MOXD1: variants seen among roughly 807,000 people sequenced by gnomAD.
MOXD1 encodes the protein monooxygenase DBH like 1.
MOXD1 carries 62 observed loss-of-function variants against 66.6 expected under a neutral mutation model. That is an observed-to-expected ratio of 0.93 (90% confidence interval 0.76 to 1.15). The LOEUF is 1.15. Among genes scored for constraint, MOXD1 ranks in the 50% most tolerant of loss-of-function variants. The pLI, the probability that MOXD1 is intolerant of heterozygous loss-of-function variation, is 0.00. For missense variants in MOXD1, 847 were observed against 754.6 expected (o/e 1.12, Z -1.44); for synonymous variants, 303 against 281.9 (o/e 1.07, Z -0.75).
At chr6:132,374,498 T>G in intron 2 of MOXD1, 133 bp downstream of exon 2, 1 of 965,512 alleles carries the variant, frequency 1.0e-6, no homozygotes, top group Non-Finnish European at 1.4e-6. Flanking sequence ...AAAAAAAAAC[T>G]AAAAAAAATC....
intron 10 of MOXD1, among the ~76,000 whole-genome samples, chr6:132,302,072 CCT>C (rs1774553346): frequency 6.6e-6 from 1 of 152,038 alleles, no homozygotes; most frequent in South Asian, 2.1e-4. Context: ...GTATAAGGAT[CCT>C]CTGAGTCAGT....
intron 4 of MOXD1, among the ~76,000 whole-genome samples, chr6:132,359,076 A>G (rs960383034): frequency 2.6e-5 from 4 of 152,124 alleles, no homozygotes; most frequent in South Asian, 2.1e-4. Flanking sequence ...CATTTCCACA[A>G]GAACTGAAAG....
chr6:132,306,696 G>A (rs1361621655), intron 10 of MOXD1, among the ~76,000 whole-genome samples: 2 of 152,144 alleles, frequency 1.3e-5, no homozygotes, highest in African/African-American at 4.8e-5. Flanking sequence ...GAAGAGATTG[G>A]GGGCCAATAT....
intron 1 of MOXD1, among the ~76,000 whole-genome samples, chr6:132,382,279 A>G (rs1029316741): frequency 5.9e-5 from 9 of 152,276 alleles, no homozygotes; most frequent in Non-Finnish European, 1.0e-4. Flanking sequence ...TAAGAATTTA[A>G]GGAAAAAAGT....
At chr6:132,316,580 G>T (rs1338450241) in intron 9 of MOXD1, among the ~76,000 whole-genome samples, 1 of 152,040 alleles carries the variant, frequency 6.6e-6, no homozygotes, top group Non-Finnish European at 1.5e-5. Context: ...AGAAATTCTA[G>T]AGCTGAGAGG....
intron 10 of MOXD1, among the ~76,000 whole-genome samples, chr6:132,298,805 G>A (rs779161404): frequency 2.0e-5 from 3 of 152,056 alleles, no homozygotes; most frequent in Non-Finnish European, 4.4e-5. Context: ...AAAAGACAAT[G>A]CTTATACATT....
intron 10 of MOXD1, among the ~76,000 whole-genome samples, chr6:132,301,198 T>TTATATATA (rs34981314): frequency 3.4e-5 from 5 of 145,928 alleles, no homozygotes; most frequent in East Asian, 2.0e-4. Flanking sequence ...ACGAATGGTA[T>TTATATATA]TATATATATA....
intron 10 of MOXD1, among the ~76,000 whole-genome samples, chr6:132,314,596 C>T (rs684223): frequency 0.51 from 78,236 of 151,944 alleles, 23,825 homozygotes; most frequent in African/African-American, 0.85. Context: ...TCCACAAACA[C>T]GGTAGGTTCA....
intron 1 of MOXD1, among the ~76,000 whole-genome samples, chr6:132,382,319 C>G (rs1776528597): frequency 6.6e-6 from 1 of 151,924 alleles, no homozygotes; most frequent in East Asian, 1.9e-4. Context: ...AATATAAAAG[C>G]TGATATACAG....
At chr6:132,342,903 T>C (rs1289132429) in intron 4 of MOXD1, among the ~76,000 whole-genome samples, 1 of 152,202 alleles carries the variant, frequency 6.6e-6, no homozygotes, top group Non-Finnish European at 1.5e-5. Flanking sequence ...GCCAGTCCTA[T>C]GCAGGATAGA....
intron 10 of MOXD1, among the ~76,000 whole-genome samples, chr6:132,314,456 G>T (rs925616315): frequency 6.6e-6 from 1 of 152,112 alleles, no homozygotes; most frequent in South Asian, 2.1e-4. Context: ...GCTTCCCTTT[G>T]CACTTAAAGC....
At chr6:132,386,638 T>A (rs1562300243) in intron 1 of MOXD1, among the ~76,000 whole-genome samples, 1 of 151,362 alleles carries the variant, frequency 6.6e-6, no homozygotes, top group Non-Finnish European at 1.5e-5. Context: ...TGCAAAGTAA[T>A]TTTAGCATCA....
chr6:132,327,386 CT>C lies in MOXD1; in HGVS notation c.946+626del, dbSNP rs145501949. The stretch of plus-strand genomic sequence containing the variant: ...GCACAGATCTGGCACATAGTTGGAG[CT>C]CAGTATTTGCTGAAAAATTGCATGA... On this transcript the variant is annotated intron_variant, in intron 6 of 11. Coordinates refer to ENST00000367963, the MANE Select transcript of MOXD1 (RefSeq NM_015529.4). Among the ~76,000 whole-genome samples the C allele has an allele frequency of 3.2e-4, 48 of 152,288 alleles. No homozygotes were observed. In the East Asian group the frequency reaches 8.3e-3, roughly 26 times the overall value.
chr6:132,373,007 A>G lies in MOXD1; in HGVS notation c.412-10T>C. On this transcript the variant is annotated splice_polypyrimidine_tract_variant and intron_variant, in intron 2 of 11. Transcript: ENST00000367963. ...CTCTCACAGTGCTATCCTGGGGATC[A>G]GACATGGGCATGATTAGGTCTCATG... 1 of 1,605,450 alleles carries G rather than the reference A, an allele frequency of 6.2e-7. No homozygotes were observed. The highest frequency in any genetic ancestry group is 8.5e-7 in the Non-Finnish European group (1 of 1,174,490).
chr6:132,324,687 G>GA (rs760856353), intron 6 of MOXD1, among the ~76,000 whole-genome samples: 26 of 152,178 alleles, frequency 1.7e-4, no homozygotes, highest in Non-Finnish European at 3.4e-4. Flanking sequence ...GTGGGGATGA[G>GA]AGATGAATAA....
chr6:132,375,973 C>T (rs1236810517), intron 1 of MOXD1, among the ~76,000 whole-genome samples: 2 of 152,124 alleles, frequency 1.3e-5, no homozygotes, highest in African/African-American at 2.4e-5. Flanking sequence ...AGCGCCCATT[C>T]GATACATATT....
chr6:132,352,597 T>G (rs1396026122), intron 4 of MOXD1, among the ~76,000 whole-genome samples: 1 of 152,214 alleles, frequency 6.6e-6, no homozygotes, highest in Non-Finnish European at 1.5e-5. Context: ...TTGAAAAGAA[T>G]GTGCATTCTG....
Position 132,296,956 on chromosome 6 carries a change from C to T in MOXD1, c.*197G>A, listed in dbSNP as rs1328770662. ...TATTTTATTGACCATGTATATATAACATCAGATATTTCTAAGAAAGAGAAG... is the reference window on the plus strand; with the variant it reads ...TATTTTATTGACCATGTATATATAATATCAGATATTTCTAAGAAAGAGAAG... On this transcript the variant is annotated 3_prime_UTR_variant, in exon 12 of 12. Transcript: ENST00000367963. 6.0e-6 allele frequency: 3 copies of T among 501,316 alleles called. No homozygotes were observed. Among genetic ancestry groups the T allele is most frequent in the Non-Finnish European group, 1.1e-5 (3 of 285,398 alleles). 31.1% of individuals were successfully genotyped at this position (501,316 alleles called of 1,614,324 possible).
chr6:132,299,439 T>C (rs948058652), intron 10 of MOXD1, among the ~76,000 whole-genome samples: 4 of 151,958 alleles, frequency 2.6e-5, no homozygotes, highest in Non-Finnish European at 5.9e-5. Context: ...AAAGTTGAAA[T>C]TTTAAAAATG....
Sources: allele counts gnomAD v4.1 joint callset (sites outside exome capture counted in the v4.1 genomes callset), GRCh38; gene constraint gnomAD v4.1.1; transcripts MANE v1.5; gene names NCBI Gene and HGNC (gene_info 2026-07-23, HGNC 2026-07-21).